ARHGAP24: variants seen among roughly 807,000 people sequenced by gnomAD.
The protein encoded by ARHGAP24 is Rho GTPase activating protein 24, also known as rho GTPase-activating protein 24.
A neutral mutation model predicts 76.4 loss-of-function variants in ARHGAP24; 50 were observed. That is an observed-to-expected ratio of 0.65 (90% CI 0.52 to 0.83). ARHGAP24 has a LOEUF of 0.83. ARHGAP24 is among the 40% of genes least tolerant of loss of function. ARHGAP24 has a pLI of 0.00. For synonymous variants in ARHGAP24, 345 were observed against 323.3 expected, an observed-to-expected ratio of 1.07 and a Z score of -0.72; for missense variants, 930 against 914.2, an observed-to-expected ratio of 1.02 and a Z score of -0.22.
chr4:85,643,327 C>T (rs1721601369), intron 2 of ARHGAP24, among the ~76,000 whole-genome samples: 1 of 76,074 alleles, frequency 1.3e-5, no homozygotes, highest in South Asian at 7.3e-4. Flanking sequence ...GGCGCAATCT[C>T]GGCTCACTGC....
intron 2 of ARHGAP24, among the ~76,000 whole-genome samples, chr4:85,580,138 G>C (rs1390268758): frequency 6.8e-6 from 1 of 147,194 alleles, no homozygotes; most frequent in Non-Finnish European, 1.5e-5. Flanking sequence ...GTGTGTGGTG[G>C]GGGGGGAGGG....
chr4:85,969,584 A>G (rs909190080), intron 5 of ARHGAP24, among the ~76,000 whole-genome samples: 1 of 152,156 alleles, frequency 6.6e-6, no homozygotes, highest in South Asian at 2.1e-4. Context: ...GTTAGAGTGG[A>G]ATCAAAAGGA....
intron 2 of ARHGAP24, among the ~76,000 whole-genome samples, chr4:85,591,526 T>A (rs982560850): frequency 6.6e-6 from 1 of 152,198 alleles, no homozygotes; most frequent in African/African-American, 2.4e-5. Context: ...TGCTCAACTC[T>A]AATGTCAACA....
At position 85,487,899 on chromosome 4, in the gene ARHGAP24, T is replaced by TTA. The variant is rs1378618439; in HGVS notation, c.-21+12352_-21+12353dup. Among the ~76,000 whole-genome samples the TTA allele has an allele frequency of 2.9e-3, 381 of 130,532 alleles. 3 individuals carry two copies. The highest frequency in any genetic ancestry group is 0.01 in the African/African-American group (350 of 34,414). The allele number at this position is 130,532 out of a possible 152,430, so 85.6% of individuals were successfully genotyped here. A position where few individuals can be genotyped will look rare whatever the true frequency, so the allele number is the denominator to read the frequency against. On this transcript the variant is annotated intron_variant, in intron 1 of 9. Transcript: ENST00000395184. Reference sequence around the variant, plus strand: ...ATATAATATATATAATAAATATATTTTATATATATATATTTATTTATTTAG... The same window carrying TTA: ...ATATAATATATATAATAAATATATTTTATATATATATATATTTATTTATTTAG...
Position 85,719,191 on chromosome 4 carries a change from CTTT to C in ARHGAP24, c.181-2693_181-2691del, listed in dbSNP as rs1397419901. On this transcript the variant is annotated intron_variant, in intron 2 of 9. Coordinates refer to ENST00000395184, the MANE Select transcript of ARHGAP24 (RefSeq NM_001025616.3). ...AGATTAAATGTATGTAATAAAAGGTCTTTATTACAATGAGTATCTTCAAAGTAT... is the reference window on the plus strand; with the variant it reads ...AGATTAAATGTATGTAATAAAAGGTCATTACAATGAGTATCTTCAAAGTAT... Among the ~76,000 whole-genome samples the C allele has an allele frequency of 9.9e-5, 15 of 152,156 alleles. No individual in the cohort carries two copies. In the East Asian group the frequency reaches 2.9e-3, roughly 29 times the overall value.
rs146388557 is a variant in ARHGAP24 at position 85,534,482 on chromosome 4, A to G, written c.-20-36040A>G. Reference sequence around the variant, plus strand: ...GGAATGTGGTGGCAATAACCAATGGAGCCTGTGAGTGACATGTTTGCCTGG... The same window carrying G: ...GGAATGTGGTGGCAATAACCAATGGGGCCTGTGAGTGACATGTTTGCCTGG... On this transcript the variant is annotated intron_variant, in intron 1 of 9. Transcript: ENST00000395184. Among the ~76,000 whole-genome samples the G allele has an allele frequency of 9.9e-5, 15 of 152,230 alleles. No homozygotes were observed. The East Asian group carries it at 2.9e-3, about 29-fold the overall frequency.
chr4:85,738,836 G>T (rs938733831), intron 3 of ARHGAP24, among the ~76,000 whole-genome samples: 2 of 152,132 alleles, frequency 1.3e-5, no homozygotes, highest in African/African-American at 4.8e-5. Context: ...GATTGTCTTG[G>T]TATCATTTTC....
intron 3 of ARHGAP24, among the ~76,000 whole-genome samples, chr4:85,769,409 C>T (rs1448733913): frequency 6.6e-6 from 1 of 152,106 alleles, no homozygotes; most frequent in Non-Finnish European, 1.5e-5. Flanking sequence ...AAAGAAGACA[C>T]ATTTATTGTG....
chr4:85,937,918 A>G (rs72976268), intron 4 of ARHGAP24, among the ~76,000 whole-genome samples: 4,146 of 152,326 alleles, frequency 0.027, 148 homozygotes, highest in African/African-American at 0.072. Context: ...GTTACAGGGC[A>G]CAGAGTCTAA....
intron 3 of ARHGAP24, among the ~76,000 whole-genome samples, chr4:85,764,211 C>A (rs72976713): frequency 6.6e-6 from 1 of 151,560 alleles, no homozygotes; most frequent in Non-Finnish European, 1.5e-5. Flanking sequence ...TTTATTTTTA[C>A]CTCTTCATAC....
At chr4:85,608,064 T>C (rs1720262885) in intron 2 of ARHGAP24, among the ~76,000 whole-genome samples, 1 of 152,188 alleles carries the variant, frequency 6.6e-6, no homozygotes, top group Admixed American at 6.5e-5. Context: ...TAAAGATTTC[T>C]TCTATTTAAG....
chr4:85,674,519 G>A (rs1447497554), intron 2 of ARHGAP24, among the ~76,000 whole-genome samples: 1 of 152,114 alleles, frequency 6.6e-6, no homozygotes, highest in Admixed American at 6.5e-5. Context: ...TTTCATAAAT[G>A]CATGTATAAC....
chr4:85,629,395 A>G (rs1721083974), intron 2 of ARHGAP24, among the ~76,000 whole-genome samples: 1 of 152,186 alleles, frequency 6.6e-6, no homozygotes, highest in Non-Finnish European at 1.5e-5. Flanking sequence ...TACTATCTTT[A>G]TAATAATAGA....
At chr4:85,814,741 A>C (rs1431809833) in intron 3 of ARHGAP24, among the ~76,000 whole-genome samples, 1 of 152,050 alleles carries the variant, frequency 6.6e-6, no homozygotes, top group African/African-American at 2.4e-5. Context: ...CTACCATTCT[A>C]GGGTCTGGAA....
chr4:85,600,975 A>G (rs1720009098), intron 2 of ARHGAP24, among the ~76,000 whole-genome samples: 1 of 152,202 alleles, frequency 6.6e-6, no homozygotes, highest in Non-Finnish European at 1.5e-5. Context: ...AAAAGGATGA[A>G]TATGATCTTA....
chr4:85,975,993 T>C (rs1402629863), intron 7 of ARHGAP24, among the ~76,000 whole-genome samples: 3 of 152,212 alleles, frequency 2.0e-5, no homozygotes, highest in African/African-American at 7.2e-5. Flanking sequence ...AATCATGCCA[T>C]TGACACCTTA....
At chr4:85,841,361 A>G (rs1430469619) in intron 3 of ARHGAP24, among the ~76,000 whole-genome samples, 1 of 152,218 alleles carries the variant, frequency 6.6e-6, no homozygotes, top group African/African-American at 2.4e-5. Flanking sequence ...TTCAGGAGCT[A>G]AACTGTGTTG....
Position 85,510,608 on chromosome 4 carries a change from G to A in ARHGAP24, c.-21+35049G>A, listed in dbSNP as rs187888863. ...CCCCTCTCTCCCCCTTGTCTTCCCC[G>A]TCTTCCCCTCCCTCCCCTGTCCTTC... On this transcript the variant is annotated intron_variant, in intron 1 of 9. Coordinates refer to ENST00000395184, the MANE Select transcript of ARHGAP24 (RefSeq NM_001025616.3). Among the ~76,000 whole-genome samples the A allele has an allele frequency of 5.0e-4, 45 of 90,354 alleles. No homozygotes were observed. The East Asian group carries it at 0.011, about 23-fold the overall frequency. 59.3% of individuals were successfully genotyped at this position (90,354 alleles called of 152,430 possible).
chr4:85,959,575 T>C (rs1738123421), intron 5 of ARHGAP24, among the ~76,000 whole-genome samples: 1 of 152,216 alleles, frequency 6.6e-6, no homozygotes, highest in Non-Finnish European at 1.5e-5. Flanking sequence ...ATTTTGTGGA[T>C]ATACTACATT....
Sources: gnomAD v4.1 joint callset for allele counts (sites outside exome capture counted in the v4.1 genomes callset) on GRCh38, gnomAD v4.1.1 for gene constraint, MANE v1.5 for transcripts, NCBI Gene and HGNC (gene_info 2026-07-23, HGNC 2026-07-21) for gene names.